Variants in TTLL11 observed in about 807,000 individuals in gnomAD.
The protein encoded by TTLL11 is tubulin polyglutamylase TTLL11.
Under a neutral mutation model 51.7 loss-of-function variants are expected in TTLL11, and 42 were observed. The observed-to-expected ratio is 0.81, with a 90% CI of 0.64 to 1.05. The LOEUF (loss-of-function observed/expected upper bound fraction) is 1.05, where lower values mean the gene tolerates loss of function less well. Ranked by LOEUF, TTLL11 falls within the 50% of genes least tolerant of loss-of-function variation. TTLL11 has a pLI of 0.00. For missense variants in TTLL11, 799 were observed against 940.4 expected (o/e 0.85, Z 1.97); for synonymous variants, 381 against 383.5 (o/e 0.99, Z 0.08).
chr9:121,881,216 T>G (rs963085439), intron 6 of TTLL11, among the ~76,000 whole-genome samples: 4 of 152,356 alleles, frequency 2.6e-5, no homozygotes, highest in African/African-American at 9.6e-5. Flanking sequence ...AGTGCCTATC[T>G]GCAACACAAA....
intron 1 of TTLL11, among the ~76,000 whole-genome samples, chr9:122,047,564 A>G (rs1334591428): frequency 6.6e-6 from 1 of 152,152 alleles, no homozygotes; most frequent in Non-Finnish European, 1.5e-5. Flanking sequence ...CAGCTGGGAA[A>G]TAGAGACCAC....
chr9:121,941,240 A>G (rs1050369764), intron 6 of TTLL11, among the ~76,000 whole-genome samples: 1 of 152,266 alleles, frequency 6.6e-6, no homozygotes, highest in Non-Finnish European at 1.5e-5. Flanking sequence ...GTGAGCCCTG[A>G]GTACTGCAAA....
At position 121,844,502 on chromosome 9, in the gene TTLL11, T is replaced by C. The variant is rs138773874; in HGVS notation, c.1840+15835A>G. 7.2e-5 allele frequency among the ~76,000 whole-genome samples: 11 copies of C among 152,128 alleles called. No homozygotes were observed. In the East Asian group the frequency reaches 2.1e-3, roughly 29 times the overall value. ...CAAGACCTGCTAAAAGGCAGGAAAA[T>C]ATACAGTGCAAAGAGACAAAGCAAG... On this transcript the variant is annotated intron_variant, in intron 8 of 8. Transcript: ENST00000321582.
At chr9:121,924,121 T>A (rs913702491) in intron 6 of TTLL11, among the ~76,000 whole-genome samples, 1 of 152,174 alleles carries the variant, frequency 6.6e-6, no homozygotes, top group Non-Finnish European at 1.5e-5. Context: ...AATTACCCAG[T>A]CTCAGGTATG....
At chr9:121,906,457 C>T (rs1350055350) in intron 6 of TTLL11, among the ~76,000 whole-genome samples, 1 of 151,812 alleles carries the variant, frequency 6.6e-6, no homozygotes, top group Non-Finnish European at 1.5e-5. Context: ...TAACACTTGT[C>T]TTTGTCTTTA....
At chr9:121,945,071 C>A (rs916628130) in intron 6 of TTLL11, among the ~76,000 whole-genome samples, 5 of 152,146 alleles carry the variant, frequency 3.3e-5, no homozygotes, top group South Asian at 2.1e-4. Flanking sequence ...TGTGGTTTAA[C>A]AAGCAACTAA....
chr9:121,944,033 G>A (rs1463266210), intron 6 of TTLL11, among the ~76,000 whole-genome samples: 2 of 152,204 alleles, frequency 1.3e-5, no homozygotes, highest in Admixed American at 6.5e-5. Context: ...ACAAATTCCT[G>A]ATCAAAAGTG....
chr9:122,091,534 A>G (rs79292610), intron 1 of TTLL11, among the ~76,000 whole-genome samples: 6,308 of 152,176 alleles, frequency 0.041, 420 homozygotes, highest in African/African-American at 0.14. Context: ...CCTCCAAACC[A>G]AATGCACTTT....
intron 1 of TTLL11, among the ~76,000 whole-genome samples, chr9:122,070,895 G>C (rs75765530): frequency 0.036 from 5,510 of 152,216 alleles, 151 homozygotes; most frequent in South Asian, 0.057. Context: ...AGCAATCACT[G>C]CTTGTCTTAT....
At chr9:121,982,543 C>CCTG (rs1842848524) in intron 4 of TTLL11, among the ~76,000 whole-genome samples, 1 of 151,870 alleles carries the variant, frequency 6.6e-6, no homozygotes, top group Non-Finnish European at 1.5e-5. Context: ...ATGGTGAAAC[C>CCTG]CTGTCTCTAC....
In TTLL11 at chr9:121,896,064, CATT is replaced by C. The variant is rs1564293589; in HGVS notation, c.1482-25319_1482-25317del. 2.0e-5 allele frequency among the ~76,000 whole-genome samples: 3 copies of C among 146,508 alleles called. No individual in the cohort carries two copies. In the Admixed American group the frequency reaches 2.1e-4, roughly 10 times the overall value. On this transcript the variant is annotated intron_variant, in intron 6 of 8. Transcript: ENST00000321582. ...TGTGTACATTTGTGTGGCTGTGTGT[CATT>C]GTATCTGTGTGTGCCCGTTTGGTTG...
rs150012926 is a variant in TTLL11 at position 121,941,823 on chromosome 9, G to A, written c.1481+32186C>T. ...CTGTGTTCCCTGCCTCTGCCCAGTC[G>A]CTCAGGCCAAAATCCCAAGAGTATC... On this transcript the variant is annotated intron_variant, in intron 6 of 8. Transcript: ENST00000321582. Among the ~76,000 whole-genome samples the A allele has an allele frequency of 6.3e-3, 951 of 152,138 alleles. 18 individuals are homozygous for A. The highest frequency in any genetic ancestry group is 0.027 in the Admixed American group (415 of 15,288).
chr9:121,851,209 T>C (rs1335130689), intron 8 of TTLL11, among the ~76,000 whole-genome samples: 3 of 152,126 alleles, frequency 2.0e-5, no homozygotes, highest in African/African-American at 4.8e-5. Flanking sequence ...GCACAGGGAA[T>C]TTTTAGGGCA....
chr9:121,837,999 G>GCT (rs969922511), intron 8 of TTLL11, among the ~76,000 whole-genome samples: 4 of 151,956 alleles, frequency 2.6e-5, no homozygotes, highest in East Asian at 1.9e-4. Flanking sequence ...GCCCCACAGG[G>GCT]CTCTCTCTCT....
intron 6 of TTLL11, among the ~76,000 whole-genome samples, chr9:121,897,348 A>C (rs1839563076): frequency 2.0e-5 from 3 of 152,156 alleles, no homozygotes; most frequent in Non-Finnish European, 2.9e-5. Flanking sequence ...ACTGAGGCTC[A>C]AACCTGAGCA....
intron 2 of TTLL11, 101 bp from the exon 3 acceptor site, chr9:122,031,957 C>T: frequency 6.8e-7 from 1 of 1,460,308 alleles, no homozygotes; most frequent in Non-Finnish European, 9.2e-7. Flanking sequence ...GACATATTCT[C>T]TTTTTCAGGC....
intron 6 of TTLL11, among the ~76,000 whole-genome samples, chr9:121,892,368 A>T (rs553670488): frequency 1.6e-3 from 249 of 152,194 alleles, no homozygotes; most frequent in African/African-American, 5.9e-3. Context: ...ACAATTCCAC[A>T]TGGGGGGGTG....
intron 8 of TTLL11, among the ~76,000 whole-genome samples, chr9:121,856,045 G>A (rs1343718180): frequency 6.6e-6 from 1 of 152,156 alleles, no homozygotes; most frequent in Non-Finnish European, 1.5e-5. Flanking sequence ...AAGTTAGACT[G>A]GTTTTTATTC....
intron 6 of TTLL11, among the ~76,000 whole-genome samples, chr9:121,909,211 A>T (rs1051636468): frequency 1.3e-5 from 2 of 152,208 alleles, no homozygotes; most frequent in African/African-American, 4.8e-5. Flanking sequence ...GAGGGTTGTG[A>T]CCAACTCAGC....
Sources: gnomAD v4.1 joint callset for allele counts (sites outside exome capture counted in the v4.1 genomes callset) on GRCh38, gnomAD v4.1.1 for gene constraint, MANE v1.5 for transcripts, NCBI Gene and HGNC (gene_info 2026-07-23, HGNC 2026-07-21) for gene names.